PLEKHA2: variants seen among roughly 807,000 people sequenced by gnomAD.
The protein encoded by PLEKHA2 is pleckstrin homology domain containing A2, also known as pleckstrin homology domain-containing family A member 2.
Under a neutral mutation model 53.2 loss-of-function variants are expected in PLEKHA2, and 28 were observed. That is an observed-to-expected ratio of 0.53 (90% CI 0.39 to 0.72). The LOEUF (loss-of-function observed/expected upper bound fraction) is 0.72, where lower values mean the gene tolerates loss of function less well. PLEKHA2 is among the 30% of genes least tolerant of loss of function. The pLI is 0.00. For missense variants in PLEKHA2, 426 were observed against 537.9 expected, an observed-to-expected ratio of 0.79 and a Z score of 2.06; for synonymous variants, 193 against 196.4, an observed-to-expected ratio of 0.98 and a Z score of 0.14.
intron 2 of PLEKHA2, among the ~76,000 whole-genome samples, chr8:38,924,150 C>A (rs1042086468): frequency 6.6e-6 from 1 of 152,132 alleles, no homozygotes; most frequent in African/African-American, 2.4e-5. Flanking sequence ...ACGCCTGGCC[C>A]GGTTTTCACT....
chr8:38,939,111 C>A (rs1032900917), intron 3 of PLEKHA2, among the ~76,000 whole-genome samples: 1 of 152,038 alleles, frequency 6.6e-6, no homozygotes, highest in East Asian at 1.9e-4. Flanking sequence ...ACCATGTTGA[C>A]CAGGCTGGTC....
intron 2 of PLEKHA2, among the ~76,000 whole-genome samples, chr8:38,927,391 A>C (rs1834308119): frequency 6.6e-6 from 1 of 152,164 alleles, no homozygotes. Context: ...CTGTAGTCCC[A>C]GGTACTTGGG....
At chr8:38,902,501 G>A (rs2152362569) in intron 1 of PLEKHA2, among the ~76,000 whole-genome samples, 1 of 152,324 alleles carries the variant, frequency 6.6e-6, no homozygotes, top group South Asian at 2.1e-4. Flanking sequence ...CAGAGAAGAG[G>A]GAGGGGAGAG....
chr8:38,962,585 G>A (rs1212282903), intron 10 of PLEKHA2, among the ~76,000 whole-genome samples: 1 of 152,198 alleles, frequency 6.6e-6, no homozygotes, highest in Non-Finnish European at 1.5e-5. Context: ...TCTCAGTTCT[G>A]GGCAAAAGTT....
In PLEKHA2 at chr8:38,958,785, G is replaced by C. The variant is rs140289657; in HGVS notation, c.837+1399G>C. Among the ~76,000 whole-genome samples, 31 of 152,276 alleles carry C rather than the reference G, an allele frequency of 2.0e-4. No homozygotes were observed. In the East Asian group the frequency reaches 6.0e-3, roughly 29 times the overall value. On this transcript the variant is annotated intron_variant, in intron 10 of 11. Coordinates refer to ENST00000617275, the MANE Select transcript of PLEKHA2 (RefSeq NM_021623.2). ...AACAGATATTTGTAGAGTATCCTCA[G>C]AGTGCTGGGCATTTTGTCTCAGGCT...
intron 3 of PLEKHA2, among the ~76,000 whole-genome samples, chr8:38,937,307 C>T (rs1026606974): frequency 2.6e-5 from 4 of 152,198 alleles, no homozygotes; most frequent in African/African-American, 9.6e-5. Flanking sequence ...AATGTGGCTG[C>T]CTCCCCGGGC....
chr8:38,921,605 G>C (rs930412883), intron 2 of PLEKHA2, among the ~76,000 whole-genome samples: 1 of 152,226 alleles, frequency 6.6e-6, no homozygotes, highest in Non-Finnish European at 1.5e-5. Flanking sequence ...AGCTCTCTGG[G>C]GTCAGCCTCT....
chr8:38,908,354 T>C (rs1358591763), intron 1 of PLEKHA2, among the ~76,000 whole-genome samples: 1 of 152,234 alleles, frequency 6.6e-6, no homozygotes, highest in East Asian at 1.9e-4. Flanking sequence ...TCTTGGATGA[T>C]TGTGAGATGT....
At chr8:38,936,666 C>T (rs1022296233) in intron 3 of PLEKHA2, among the ~76,000 whole-genome samples, 7 of 152,244 alleles carry the variant, frequency 4.6e-5, no homozygotes, top group Non-Finnish European at 1.0e-4. Context: ...CTCTCTTGTG[C>T]TGAGAGCTGG....
chr8:38,909,724 C>T (rs1004011826), intron 1 of PLEKHA2, among the ~76,000 whole-genome samples: 2 of 152,140 alleles, frequency 1.3e-5, no homozygotes, highest in Non-Finnish European at 1.5e-5. Flanking sequence ...TCATGAGCTG[C>T]TTCTAGTCAA....
intron 5 of PLEKHA2, 87 bp from the exon 6 acceptor site, chr8:38,950,763 T>C: frequency 6.7e-7 from 1 of 1,502,594 alleles, no homozygotes. Context: ...ACATGAGCTT[T>C]TCTCACGGCA....
intron 2 of PLEKHA2, among the ~76,000 whole-genome samples, chr8:38,935,284 C>T (rs577901715): frequency 1.3e-5 from 2 of 152,268 alleles, no homozygotes; most frequent in South Asian, 4.1e-4. Context: ...GCTGGGATTA[C>T]AGACGTGAGC....
chr8:38,926,520 G>A lies in PLEKHA2; in HGVS notation c.141+8450G>A, dbSNP rs1834291876. Among the ~76,000 whole-genome samples the A allele has an allele frequency of 2.0e-5, 3 of 152,094 alleles. No individual in the cohort carries two copies. The South Asian group carries it at 6.2e-4, about 32-fold the overall frequency. On this transcript the variant is annotated intron_variant, in intron 2 of 11. Coordinates refer to ENST00000617275, the MANE Select transcript of PLEKHA2 (RefSeq NM_021623.2). ...AATTAAAATTATATGTGGGCTTTTTGAGAGCTTAATGTAGAATTAGAAACT... is the reference window on the plus strand; with the variant it reads ...AATTAAAATTATATGTGGGCTTTTTAAGAGCTTAATGTAGAATTAGAAACT...
chr8:38,936,326 T>C (rs929288596), intron 3 of PLEKHA2, among the ~76,000 whole-genome samples: 3 of 152,184 alleles, frequency 2.0e-5, no homozygotes, highest in Non-Finnish European at 4.4e-5. Context: ...GGAGGTGTTA[T>C]GTGGTGGTGG....
intron 5 of PLEKHA2, chr8:38,950,642 G>C: frequency 2.2e-6 from 1 of 452,426 alleles, no homozygotes. Context: ...GAAATTCCTG[G>C]AGTCAGTTTG....
At chr8:38,959,811 A>C (rs1017714624) in intron 10 of PLEKHA2, among the ~76,000 whole-genome samples, 1 of 152,198 alleles carries the variant, frequency 6.6e-6, no homozygotes, top group Non-Finnish European at 1.5e-5. Flanking sequence ...GTTTGGCTGG[A>C]GCCTCAGGAT....
At chr8:38,960,381 A>C in intron 10 of PLEKHA2, among the ~76,000 whole-genome samples, 1 of 152,204 alleles carries the variant, frequency 6.6e-6, no homozygotes. Flanking sequence ...TGGGAGGCTG[A>C]GGCAGGAGGA....
At chr8:38,913,822 T>A (rs1588235663) in intron 1 of PLEKHA2, among the ~76,000 whole-genome samples, 1 of 152,212 alleles carries the variant, frequency 6.6e-6, no homozygotes, top group Non-Finnish European at 1.5e-5. Context: ...ACGTTCCTTC[T>A]GTGGCGTCTG....
chr8:38,906,259 G>T (rs532750389), intron 1 of PLEKHA2, among the ~76,000 whole-genome samples: 97 of 152,342 alleles, frequency 6.4e-4, no homozygotes, highest in Non-Finnish European at 1.2e-3. Context: ...CCCCGGGCAG[G>T]CTTTTGTTTC....
Sources: allele counts gnomAD v4.1 joint callset (sites outside exome capture counted in the v4.1 genomes callset), GRCh38; gene constraint gnomAD v4.1.1; transcripts MANE v1.5; gene names NCBI Gene and HGNC (gene_info 2026-07-23, HGNC 2026-07-21).